NDFIP2: variants seen among roughly 807,000 people sequenced by gnomAD.
NDFIP2 encodes the protein Nedd4 family interacting protein 2, also known as NEDD4 family-interacting protein 2.
Under a neutral mutation model 36.0 loss-of-function variants are expected in NDFIP2, and 19 were observed. That is an observed-to-expected ratio of 0.53 (90% CI 0.37 to 0.77). The LOEUF (loss-of-function observed/expected upper bound fraction) is 0.77, where lower values mean the gene tolerates loss of function less well. Ranked by LOEUF, NDFIP2 falls within the 30% of genes least tolerant of loss-of-function variation. The pLI is 0.00. For missense variants in NDFIP2, 446 were observed against 435.8 expected, an observed-to-expected ratio of 1.02 and a Z score of -0.21; for synonymous variants, 181 against 167.7, an observed-to-expected ratio of 1.08 and a Z score of -0.61.
intron 2 of NDFIP2, 130 bp from the exon 3 acceptor site, chr13:79,533,193 G>T (rs1875084438): frequency 3.4e-6 from 2 of 585,418 alleles, no homozygotes; most frequent in African/African-American, 1.9e-5. Context: ...ATATTTTATA[G>T]CTTATAACAT....
rs1352015800 is a variant in NDFIP2, at chr13:79,481,522, G to C, written c.319G>C (p.Val107Leu). 1 of 1,548,510 alleles carries C rather than the reference G, an allele frequency of 6.5e-7. No homozygotes were observed. The highest frequency in any genetic ancestry group is 8.7e-7 in the Non-Finnish European group (1 of 1,146,180). Reference sequence around the variant, plus strand: ...CCAGCCGGGGACTGGGCGCTACCAGGTGGTGAGTTCCCGGCCTCCTGTGCC... The same window carrying C: ...CCAGCCGGGGACTGGGCGCTACCAGCTGGTGAGTTCCCGGCCTCCTGTGCC... ...HHQPGTGRYQ[V>L]LLNEEDNSES... The change falls in exon 1 of 8, where the codon GTG becomes CTG. Residue 107 changes from valine to leucine, a missense_variant and splice_region_variant. Physicochemically the swap from Val to Leu is conservative, Grantham distance 32 (BLOSUM62 1). Around this residue, in one of 2 missense-constraint regions of NDFIP2, gnomAD observed 369 missense variants for 304.8 expected, o/e 1.21. Coordinates refer to ENST00000218652, the MANE Select transcript of NDFIP2 (RefSeq NM_019080.3).
chr13:79,517,639 T>C (rs971754148), intron 1 of NDFIP2, among the ~76,000 whole-genome samples: 2 of 152,200 alleles, frequency 1.3e-5, no homozygotes, highest in Non-Finnish European at 1.5e-5. Context: ...CATGGTAATA[T>C]TCACATATTA....
intron 1 of NDFIP2, among the ~76,000 whole-genome samples, chr13:79,506,651 T>C (rs538367907): frequency 1.3e-5 from 2 of 152,158 alleles, no homozygotes; most frequent in East Asian, 1.9e-4. Context: ...TTAAAAAATA[T>C]AGGCAGTACA....
chr13:79,548,872 T>G (rs1274660132), intron 6 of NDFIP2, among the ~76,000 whole-genome samples: 1 of 152,044 alleles, frequency 6.6e-6, no homozygotes, highest in Admixed American at 6.6e-5. Context: ...AGTGCTTCTG[T>G]TGAGTTGTCT....
chr13:79,486,975 C>T (rs1873022175), intron 1 of NDFIP2, among the ~76,000 whole-genome samples: 1 of 152,146 alleles, frequency 6.6e-6, no homozygotes, highest in Admixed American at 6.5e-5. Context: ...CACAGACACT[C>T]ATCCATCATA....
chr13:79,497,761 C>T (rs1873493735), intron 1 of NDFIP2, among the ~76,000 whole-genome samples: 1 of 142,900 alleles, frequency 7.0e-6, no homozygotes, highest in African/African-American at 2.6e-5. Context: ...TTGGGTGTTC[C>T]TTCCATGCCC....
At chr13:79,491,824 T>C (rs1370355425) in intron 1 of NDFIP2, among the ~76,000 whole-genome samples, 1 of 152,148 alleles carries the variant, frequency 6.6e-6, no homozygotes, top group Non-Finnish European at 1.5e-5. Context: ...TTTCGGGCCA[T>C]GTTGTTATGG....
rs1162871614 is a variant in NDFIP2, at chr13:79,553,952, C to G, written c.*1439C>G. 1 of 151,634 alleles carries G rather than the reference C, an allele frequency of 6.6e-6. No homozygotes were observed. Among genetic ancestry groups the G allele is most frequent in the Non-Finnish European group, 1.5e-5 (1 of 67,570 alleles). 9.4% of individuals were successfully genotyped at this position (151,634 alleles called of 1,614,324 possible). On this transcript the variant is annotated 3_prime_UTR_variant, in exon 8 of 8. Coordinates refer to ENST00000218652, the MANE Select transcript of NDFIP2 (RefSeq NM_019080.3). The stretch of plus-strand genomic sequence containing the variant: ...ATTTCTTATTTATTATTAGACATTA[C>G]TACTAAAAGGTACATCTAACTATTC...
intron 2 of NDFIP2, among the ~76,000 whole-genome samples, chr13:79,529,618 C>G (rs553373536): frequency 6.6e-6 from 1 of 152,242 alleles, no homozygotes; most frequent in East Asian, 1.9e-4. Context: ...TGGTAACATT[C>G]AGTATTATAC....
chr13:79,536,263 T>C (rs1875234845), intron 3 of NDFIP2, among the ~76,000 whole-genome samples: 1 of 152,244 alleles, frequency 6.6e-6, no homozygotes, highest in Non-Finnish European at 1.5e-5. Flanking sequence ...TCTTTTTTTG[T>C]AACTTGTTTT....
At chr13:79,523,987 G>C (rs1214066351) in intron 2 of NDFIP2, among the ~76,000 whole-genome samples, 7 of 152,164 alleles carry the variant, frequency 4.6e-5, no homozygotes, top group African/African-American at 1.4e-4. Context: ...GTGCTTCAGT[G>C]ATCATATGGG....
At chr13:79,551,795 T>A (rs1875919113) in intron 7 of NDFIP2, among the ~76,000 whole-genome samples, 1 of 151,242 alleles carries the variant, frequency 6.6e-6, no homozygotes, top group Non-Finnish European at 1.5e-5. Flanking sequence ...TCAGCGGGAG[T>A]ATCTTCACAT....
intron 1 of NDFIP2, among the ~76,000 whole-genome samples, chr13:79,491,519 T>A (rs1467076348): frequency 6.6e-6 from 1 of 152,180 alleles, no homozygotes; most frequent in Non-Finnish European, 1.5e-5. Context: ...AACTGCGGAG[T>A]TGTGAATACT....
chr13:79,548,471 A>G, intron 6 of NDFIP2, 77 bp downstream of exon 6: 1 of 1,085,868 alleles, frequency 9.2e-7, no homozygotes, highest in Middle Eastern at 2.1e-4. Flanking sequence ...CTGTGTTGCA[A>G]TTTATGTGGA....
chr13:79,552,432 T>A (rs1411626901), intron 7 of NDFIP2, 84 bp from the exon 8 acceptor site: 1 of 151,860 alleles, frequency 6.6e-6, no homozygotes. Flanking sequence ...AATATAATTC[T>A]TCTATAAAAT....
intron 3 of NDFIP2, among the ~76,000 whole-genome samples, chr13:79,538,496 G>C (rs1417866181): frequency 2.0e-5 from 3 of 152,138 alleles, no homozygotes; most frequent in Admixed American, 2.0e-4. Flanking sequence ...TAAATATGCT[G>C]GTTCCAAAAG....
chr13:79,527,985 T>C (rs2484341), intron 2 of NDFIP2, among the ~76,000 whole-genome samples: 152,002 of 152,328 alleles, frequency 1, 75,841 homozygotes, highest in East Asian at 1. Flanking sequence ...AAAAGCTAGC[T>C]ATGCACGGTG....
intron 2 of NDFIP2, among the ~76,000 whole-genome samples, chr13:79,523,092 A>G (rs1002404317): frequency 8.5e-5 from 13 of 152,312 alleles, no homozygotes; most frequent in African/African-American, 3.1e-4. Context: ...ACCTGATTTT[A>G]AAATTACAGC....
At chr13:79,525,627 T>C (rs1273314276) in intron 2 of NDFIP2, among the ~76,000 whole-genome samples, 1 of 152,056 alleles carries the variant, frequency 6.6e-6, no homozygotes, top group Non-Finnish European at 1.5e-5. Context: ...GACTGACGGG[T>C]GGGTAGTGTT....
Sources: allele counts gnomAD v4.1 joint callset (sites outside exome capture counted in the v4.1 genomes callset), GRCh38; gene constraint gnomAD v4.1.1; regional missense constraint gnomAD v4.1.1; transcripts MANE v1.5; gene names NCBI Gene and HGNC (gene_info 2026-07-23, HGNC 2026-07-21).